The following ANK1 variants were observed in gnomAD, a reference collection of about 807,000 sequenced individuals.
ANK1 encodes the protein ankyrin 1.
A neutral mutation model predicts 210.4 loss-of-function variants in ANK1; 51 were observed. That is an observed-to-expected ratio of 0.24 (90% CI 0.19 to 0.31). The LOEUF (loss-of-function observed/expected upper bound fraction) is 0.31, where lower values mean the gene tolerates loss of function less well. Ranked by LOEUF, ANK1 falls within the 10% of genes least tolerant of loss-of-function variation. The pLI is 1.00. For synonymous variants in ANK1, 967 were observed against 1,025.9 expected (o/e 0.94, Z 1.10); for missense variants, 2,051 against 2,504.4 (o/e 0.82, Z 3.86).
chr8:41,674,042 C>A (rs181509443), intron 37 of ANK1, among the ~76,000 whole-genome samples: 1 of 152,284 alleles, frequency 6.6e-6, no homozygotes, highest in South Asian at 2.1e-4. Flanking sequence ...TCAGCCCCTA[C>A]CCCCACTCCT....
At chr8:41,807,956 G>T (rs1345627402) in intron 1 of ANK1, among the ~76,000 whole-genome samples, 6 of 146,136 alleles carry the variant, frequency 4.1e-5, no homozygotes, top group Non-Finnish European at 9.0e-5. Flanking sequence ...AGGAGGAGGG[G>T]AAGAGGAGGA....
intron 1 of ANK1, among the ~76,000 whole-genome samples, chr8:41,795,238 C>T (rs1004929563): frequency 1.1e-4 from 17 of 152,126 alleles, no homozygotes; most frequent in African/African-American, 2.9e-4. Flanking sequence ...ATAGGCCAGG[C>T]GCAGCGGCTC....
intron 6 of ANK1, 44 bp downstream of exon 6, chr8:41,725,717 C>CTT: frequency 1.3e-6 from 2 of 1,584,352 alleles, no homozygotes; most frequent in Non-Finnish European, 1.7e-6. Context: ...CCTGAGCCCA[C>CTT]GGGCGTCCGC....
chr8:41,745,127 T>C (rs1179778742), intron 2 of ANK1, among the ~76,000 whole-genome samples: 3 of 149,186 alleles, frequency 2.0e-5, no homozygotes, highest in African/African-American at 7.5e-5. Flanking sequence ...GAGGAAAGGA[T>C]GGAGGGGAGC....
At chr8:41,727,720 G>A (rs1032151755) in intron 4 of ANK1, among the ~76,000 whole-genome samples, 188 bp downstream of exon 4, 4 of 152,158 alleles carry the variant, frequency 2.6e-5, no homozygotes, top group Non-Finnish European at 2.9e-5. Flanking sequence ...TAGGACACGC[G>A]GTCTATGCAT....
At chr8:41,656,360 T>A (rs187393089) in intron 42 of ANK1, among the ~76,000 whole-genome samples, 86 of 152,322 alleles carry the variant, frequency 5.6e-4, no homozygotes, top group Middle Eastern at 3.4e-3. Context: ...CCACAGCACT[T>A]CCTGACCGCT....
At chr8:41,822,134 G>A (rs12549575) in intron 1 of ANK1, among the ~76,000 whole-genome samples, 8,220 of 30,954 alleles carry the variant, frequency 0.27, 546 homozygotes, top group African/African-American at 0.37. Context: ...GAAAGAAAGA[G>A]AAAGAAAGAA....
Position 41,665,189 on chromosome 8 carries a change from T to C in ANK1, c.5395-1447A>G, listed in dbSNP as rs1489493343. 8 of 1,532,108 alleles carry C rather than the reference T, an allele frequency of 5.2e-6. No individual in the cohort carries two copies. In the East Asian group the frequency reaches 9.8e-5, roughly 19 times the overall value. 94.9% of individuals were successfully genotyped at this position (1,532,108 alleles called of 1,614,324 possible). A position where few individuals can be genotyped will look rare whatever the true frequency, so the allele number is the denominator to read the frequency against. On this transcript the variant is annotated intron_variant, in intron 39 of 42. Coordinates refer to ENST00000289734, the MANE Select transcript of ANK1 (RefSeq NM_000037.4). The stretch of plus-strand genomic sequence containing the variant: ...CTTGGTCTCTCACTGTTTCTCTCTC[T>C]GTGGGCAGGACACCGAATGGCCCTC...
At chr8:41,733,220 C>A (rs1563604895) in intron 3 of ANK1, among the ~76,000 whole-genome samples, 1 of 152,146 alleles carries the variant, frequency 6.6e-6, no homozygotes, top group East Asian at 1.9e-4. Flanking sequence ...ACTGTGGATG[C>A]CTGGCGTCGC....
At chr8:41,816,371 A>G (rs1803334299) in intron 1 of ANK1, among the ~76,000 whole-genome samples, 1 of 152,218 alleles carries the variant, frequency 6.6e-6, no homozygotes, top group African/African-American at 2.4e-5. Context: ...AGAGATGAAA[A>G]TTTGGTTGCA....
chr8:41,798,026 C>G (rs1300948288), upstream of ANK1, among the ~76,000 whole-genome samples: 1 of 151,980 alleles, frequency 6.6e-6, no homozygotes, highest in African/African-American at 2.4e-5. Flanking sequence ...CACAATTTGC[C>G]TTTCCTGGTT....
Position 41,735,182 on chromosome 8 carries a change from C to G in ANK1, c.130-1113G>C, listed in dbSNP as rs1017906804. 4.6e-5 allele frequency among the ~76,000 whole-genome samples: 7 copies of G among 152,326 alleles called. No homozygotes were observed. In the East Asian group the frequency reaches 5.8e-4, roughly 13 times the overall value. ...TCTCATGCTTCCTGCTCTTCTGATC[C>G]TTGCCCTGAAAGGTCTTGAAACTTT... On this transcript the variant is annotated intron_variant, in intron 2 of 42. Coordinates refer to ENST00000289734, the MANE Select transcript of ANK1 (RefSeq NM_000037.4).
At chr8:41,665,025 C>T in intron 39 of ANK1, 1 of 1,613,248 alleles carries the variant, frequency 6.2e-7, no homozygotes, top group East Asian at 2.2e-5. Flanking sequence ...AGTCCACATC[C>T]TCGCCTCCTC....
chr8:41,732,399 G>A (rs1832392726), intron 3 of ANK1, among the ~76,000 whole-genome samples: 1 of 152,064 alleles, frequency 6.6e-6, no homozygotes, highest in South Asian at 2.1e-4. Context: ...AAATGGAGAT[G>A]ATTTTTTGTT....
Position 41,714,990 on chromosome 8 carries a change from T to C in ANK1, c.1687A>G (p.Asn563Asp), listed in dbSNP as rs1827219642. The C allele has an allele frequency of 1.9e-6, 3 of 1,613,962 alleles. No homozygotes were observed. Among genetic ancestry groups the C allele is most frequent in the Non-Finnish European group, 2.5e-6 (3 of 1,179,994 alleles). ...ELLLERDAHP[N>D]AAGKNGLTPL... ...TTCAAACTCACTTTTCCGGCAGCAT[T>C]CGGGTGTGCGTCCCGCTCCAGCAGC... The change falls in exon 15 of 43, where the codon AAT becomes GAT. Residue 563 changes from asparagine (N) to aspartate (D), a missense_variant. Transcript: ENST00000289734.
rs1241048481 is a variant in ANK1 at position 41,655,058 on chromosome 8, T to C, written c.*732A>G. 1 of 103,430 alleles carries C rather than the reference T, an allele frequency of 9.7e-6. No individual in the cohort carries two copies. The highest frequency in any genetic ancestry group is 4.1e-5 in the African/African-American group (1 of 24,324). 6.4% of individuals were successfully genotyped at this position (103,430 alleles called of 1,614,324 possible). A position where few individuals can be genotyped will look rare whatever the true frequency, so the allele number is the denominator to read the frequency against. On this transcript the variant is annotated 3_prime_UTR_variant, in exon 43 of 43. Transcript: ENST00000289734. ...AGAGACAACATAAAAAATTCCAATT[T>C]ATCCACAGCAGAGTCTATACAGCTT...
chr8:41,746,017 C>T (rs533878530), intron 2 of ANK1, among the ~76,000 whole-genome samples: 12 of 152,218 alleles, frequency 7.9e-5, no homozygotes, highest in African/African-American at 2.7e-4. Context: ...TGTAAAGGAA[C>T]TGTGAGGCAC....
chr8:41,799,780 C>A (rs1312915939), upstream of ANK1, among the ~76,000 whole-genome samples: 1 of 152,056 alleles, frequency 6.6e-6, no homozygotes, highest in Non-Finnish European at 1.5e-5. Flanking sequence ...ATACAGGAAG[C>A]GGAGGAAAAG....
chr8:41,719,855 C>T lies in ANK1; in HGVS notation c.913G>A (p.Gly305Ser), dbSNP rs750789310. The change falls in exon 10 of 43, where the codon GGC becomes AGC. Residue 305 changes from glycine (G) to serine (S), a missense_variant. Transcript: ENST00000289734. ...GCCGCCATGTGAATTGGGGACAGGC[C>T]GTTCTGGGTAAAGAGGAAAACACAA... is the stretch of plus-strand genomic sequence containing the variant. ...GAPIQAKTKN[G>S]LSPIHMAAQG... 1 of 1,614,162 alleles carries T rather than the reference C, an allele frequency of 6.2e-7. No homozygotes were observed. Among genetic ancestry groups the T allele is most frequent in the Non-Finnish European group, 8.5e-7 (1 of 1,180,036 alleles).
Sources: gnomAD v4.1 joint callset for allele counts (sites outside exome capture counted in the v4.1 genomes callset) on GRCh38, gnomAD v4.1.1 for gene constraint, MANE v1.5 for transcripts, NCBI Gene and HGNC (gene_info 2026-07-23, HGNC 2026-07-21) for gene names.